The following DNASE1 variants were observed in gnomAD, a reference collection of about 807,000 sequenced individuals.
DNASE1 encodes deoxyribonuclease-1.
In DNASE1, 40 loss-of-function variants were observed where a neutral mutation model predicts 33.9. The ratio of observed to expected loss-of-function variants is 1.18; its 90% CI spans 0.92 to 1.54. The LOEUF is 1.54. DNASE1 is among the 40% of genes most tolerant of loss of function. The pLI, the probability that DNASE1 is intolerant of heterozygous loss-of-function variation, is 0.00. For missense variants in DNASE1, 518 were observed against 372.6 expected (o/e 1.39, Z -3.21); for synonymous variants, 216 against 160.0 (o/e 1.35, Z -2.64).
intron 4 of DNASE1, 135 bp downstream of exon 4, chr16:3,656,320 A>C (rs986283154): frequency 1.0e-6 from 1 of 975,318 alleles, no homozygotes; most frequent in Non-Finnish European, 1.6e-6. Context: ...GGTGGAGTGA[A>C]AACACCCCAA....
upstream of DNASE1, chr16:3,653,158 A>G (rs1007240691): frequency 6.6e-6 from 1 of 152,126 alleles, no homozygotes; most frequent in Non-Finnish European, 1.5e-5. Flanking sequence ...CTTAAGAAGA[A>G]GAGGCAGAGA....
Position 3,665,403 on chromosome 16 carries a change from G to A in DNASE1, c.*7450G>A, listed in dbSNP as rs116623427. The A allele has an allele frequency of 4.9e-3, 748 of 153,248 alleles. 7 individuals carry two copies. Among genetic ancestry groups the A allele is most frequent in the African/African-American group, 0.017 (708 of 41,584 alleles). 9.5% of individuals were successfully genotyped at this position (153,248 alleles called of 1,614,324 possible). A position where few individuals can be genotyped will look rare whatever the true frequency, so the allele number is the denominator to read the frequency against. ...GCCACTGAATTTTACGTGTTAAAAG[G>A]TGAATTCTGTGAATCTGATGCTATG... On this transcript the variant is annotated 3_prime_UTR_variant, in exon 10 of 10. Transcript: ENST00000407479.
At chr16:3,657,439 T>C (rs1350055396) in intron 7 of DNASE1, 98 bp downstream of exon 7, 2 of 1,488,284 alleles carry the variant, frequency 1.3e-6, no homozygotes, top group Non-Finnish European at 1.8e-6. Flanking sequence ...CTTTGAACAC[T>C]CACCCAACTG....
In DNASE1 at chr16:3,657,013, G is replaced by C; in HGVS notation, c.451G>C (p.Ala151Pro). ...FSRFTEVREF[A>P]IVPLHAAPGD... Reference sequence around the variant, plus strand: ...TGTCTCCACAGAGGTCAGGGAGTTTGCCATTGTTCCCCTGCATGCGGCCCC... The same window carrying C: ...TGTCTCCACAGAGGTCAGGGAGTTTCCCATTGTTCCCCTGCATGCGGCCCC... The change falls in exon 6 of 9, where the codon GCC (alanine) becomes CCC (proline). Residue 151 changes from alanine to proline, a missense_variant. Physicochemically the swap from Ala to Pro is conservative, Grantham distance 27. Transcript: ENST00000246949. 3.1e-6 allele frequency: 5 copies of C among 1,613,732 alleles called. No individual in the cohort carries two copies. Among genetic ancestry groups the C allele is most frequent in the Admixed American group, 1.7e-5 (1 of 60,014 alleles).
At chr16:3,627,295 C>T (rs1430871156) in intron 1 of DNASE1, among the ~76,000 whole-genome samples, 3 of 141,444 alleles carry the variant, frequency 2.1e-5, no homozygotes, top group Non-Finnish European at 4.6e-5. Flanking sequence ...TTTTTTTAGA[C>T]AGGGTGGTCT....
chr16:3,612,660 C>T (rs558141342), intron 1 of DNASE1, among the ~76,000 whole-genome samples: 4 of 151,482 alleles, frequency 2.6e-5, no homozygotes, highest in East Asian at 1.9e-4. Flanking sequence ...CCTCCCGCCT[C>T]GGCCTCCCAA....
chr16:3,630,086 T>G (rs1275209498), intron 1 of DNASE1, among the ~76,000 whole-genome samples: 2 of 152,050 alleles, frequency 1.3e-5, no homozygotes, highest in Non-Finnish European at 2.9e-5. Context: ...CCCAAAGTGC[T>G]GGCTTGCAGG....
chr16:3,635,246 T>G (rs2041832561), intron 1 of DNASE1, among the ~76,000 whole-genome samples: 1 of 151,968 alleles, frequency 6.6e-6, no homozygotes, highest in Admixed American at 6.6e-5. Context: ...TCGCTTGAGG[T>G]CAGGAGTTCA....
upstream of DNASE1, chr16:3,652,154 T>TA (rs2151206947): frequency 6.6e-6 from 1 of 152,498 alleles, no homozygotes; most frequent in East Asian, 1.9e-4. Context: ...GCAGGGGCAC[T>TA]ATGCCTGGGA....
At chr16:3,646,186 A>G (rs2042167567) in intron 1 of DNASE1, among the ~76,000 whole-genome samples, 1 of 152,046 alleles carries the variant, frequency 6.6e-6, no homozygotes, top group Non-Finnish European at 1.5e-5. Flanking sequence ...TGCAGTGTCC[A>G]CTGTGCTGGG....
chr16:3,634,056 C>T lies in DNASE1; in HGVS notation c.-1358-6659C>T, dbSNP rs189950282. Among the ~76,000 whole-genome samples the T allele has an allele frequency of 2.1e-4, 32 of 152,010 alleles. 2 individuals are homozygous for T. The highest frequency in any genetic ancestry group is 2.5e-4 in the Non-Finnish European group (17 of 67,952). On this transcript the variant is annotated intron_variant and NMD_transcript_variant, in intron 1 of 11. Coordinates refer to the DNASE1 transcript ENST00000570769. ...CGATCTCCTGACCTCGTGATCCGCCCGTCTCGGCCTCCCAAAGTGCTGGGA... is the reference window on the plus strand; with the variant it reads ...CGATCTCCTGACCTCGTGATCCGCCTGTCTCGGCCTCCCAAAGTGCTGGGA...
At chr16:3,664,472 G>A (rs778349191) in exon 10 of DNASE1, 3 of 1,602,462 alleles carry the variant, frequency 1.9e-6, no homozygotes, top group Non-Finnish European at 2.6e-6. Flanking sequence ...AGAAGGGACG[G>A]GGCAGGTCAC....
At chr16:3,663,421 G>T (rs755380769) in exon 10 of DNASE1, 1 of 1,613,906 alleles carries the variant, frequency 6.2e-7, no homozygotes, top group African/African-American at 1.3e-5. Flanking sequence ...AGGGGATGCC[G>T]ACCTGGGGAC....
At chr16:3,664,324 G>T in exon 10 of DNASE1, 1 of 1,612,478 alleles carries the variant, frequency 6.2e-7, no homozygotes, top group Non-Finnish European at 8.5e-7. Context: ...TGCTCTGCCA[G>T]GTGACGGTTG....
chr16:3,648,854 A>G (rs535488780), intron 1 of DNASE1, among the ~76,000 whole-genome samples: 2 of 152,282 alleles, frequency 1.3e-5, no homozygotes, highest in African/African-American at 2.4e-5. Flanking sequence ...TTGTTTATGG[A>G]TATATCTCAA....
At chr16:3,615,833 C>A (rs2041081432) in intron 1 of DNASE1, among the ~76,000 whole-genome samples, 1 of 152,192 alleles carries the variant, frequency 6.6e-6, no homozygotes, top group South Asian at 2.1e-4. Context: ...TGGCATCTTC[C>A]ACTGAGTTCA....
chr16:3,656,214 C>T (rs1409859192), intron 4 of DNASE1, 29 bp downstream of exon 4: 2 of 1,608,950 alleles, frequency 1.2e-6, no homozygotes, highest in South Asian at 2.2e-5. Context: ...CAGGAAGCCC[C>T]TCCCTCACCT....
chr16:3,622,091 A>G (rs2041337313), intron 1 of DNASE1, among the ~76,000 whole-genome samples: 1 of 151,676 alleles, frequency 6.6e-6, no homozygotes, highest in Non-Finnish European at 1.5e-5. Context: ...ATGGTGGCGC[A>G]CCCCTGTAAT....
At chr16:3,658,910 C>T, downstream of DNASE1, 1 of 1,590,242 alleles carries the variant, frequency 6.3e-7, no homozygotes, top group Non-Finnish European at 8.6e-7. Flanking sequence ...GTACCACGTG[C>T]TGTGACCCTC....
Sources: gnomAD v4.1 joint callset for allele counts (sites outside exome capture counted in the v4.1 genomes callset) on GRCh38, gnomAD v4.1.1 for gene constraint, MANE v1.5 for transcripts, NCBI Gene and HGNC (gene_info 2026-07-23, HGNC 2026-07-21) for gene names.